Variants in ATP2C1 observed in about 807,000 individuals in gnomAD.
The protein encoded by ATP2C1 is calcium-transporting ATPase type 2C member 1.
Under a neutral mutation model 120.5 loss-of-function variants are expected in ATP2C1, and 31 were observed. That is an observed-to-expected ratio of 0.26 (90% confidence interval 0.19 to 0.35). The LOEUF (loss-of-function observed/expected upper bound fraction) is 0.35. Among genes scored for constraint, ATP2C1 ranks in the 10% least tolerant of loss-of-function variants. The probability of loss-of-function intolerance (pLI) is 1.00; values close to 1 mark genes in which losing one functional copy is unlikely to be tolerated. For missense variants in ATP2C1, 731 were observed against 1,107.5 expected, an observed-to-expected ratio of 0.66 and a Z score of 4.83; for synonymous variants, 351 against 358.7, an observed-to-expected ratio of 0.98 and a Z score of 0.24.
At chr3:130,890,733 T>C (rs1323514694), upstream of ATP2C1, among the ~76,000 whole-genome samples, 1 of 152,216 alleles carries the variant, frequency 6.6e-6, no homozygotes, top group Non-Finnish European at 1.5e-5. Context: ...GGCAGATTTA[T>C]AGCAATTCTG....
rs184715638 is a variant in ATP2C1, at chr3:130,966,024, A to T, written c.1122+979A>T. Among the ~76,000 whole-genome samples, 18 of 152,306 alleles carry T rather than the reference A, an allele frequency of 1.2e-4. 1 individual carries two copies. In the East Asian group the frequency reaches 3.3e-3, roughly 28 times the overall value. ...GGTGCTTATGGACAGGTCTAATCCT[A>T]CTCAGTCTATGCAGGATTTCTGACT... On this transcript the variant is annotated intron_variant, in intron 14 of 27. Coordinates refer to ENST00000510168, the MANE Select transcript of ATP2C1 (RefSeq NM_001378687.1).
At chr3:130,913,766 T>A (rs1402580883) in intron 2 of ATP2C1, among the ~76,000 whole-genome samples, 1 of 152,194 alleles carries the variant, frequency 6.6e-6, no homozygotes, top group Non-Finnish European at 1.5e-5. Context: ...GGATTTACTT[T>A]GAAACTTTTG....
chr3:130,960,724 A>AG lies in ATP2C1; in HGVS notation c.899+1389dup, dbSNP rs572330902. Among the ~76,000 whole-genome samples, 38 of 152,156 alleles carry AG rather than the reference A, an allele frequency of 2.5e-4. 3 individuals carry two copies. Among genetic ancestry groups the AG allele is most frequent in the Admixed American group, 2.0e-3 (30 of 15,248 alleles). On this transcript the variant is annotated intron_variant, in intron 12 of 27. Coordinates refer to ENST00000510168, the MANE Select transcript of ATP2C1 (RefSeq NM_001378687.1). ...ATAAGTGGAGCCGTGGTAACAAATTAGGGGGGCAATTGATCATAAATCTGT... is the reference window on the plus strand; with the variant it reads ...ATAAGTGGAGCCGTGGTAACAAATTAGGGGGGGCAATTGATCATAAATCTGT...
At chr3:130,909,713 G>A (rs1239147643) in intron 2 of ATP2C1, among the ~76,000 whole-genome samples, 1 of 152,106 alleles carries the variant, frequency 6.6e-6, no homozygotes, top group African/African-American at 2.4e-5. Flanking sequence ...TTAGCAACAG[G>A]TTTACACTGA....
intron 12 of ATP2C1, among the ~76,000 whole-genome samples, chr3:130,960,407 C>T (rs1208048407): frequency 1.3e-5 from 2 of 152,130 alleles, no homozygotes; most frequent in Non-Finnish European, 2.9e-5. Context: ...CTATGAGAGA[C>T]GTATTTTGAA....
At chr3:130,995,347 G>C (rs1259529706) in intron 22 of ATP2C1, among the ~76,000 whole-genome samples, 1 of 151,780 alleles carries the variant, frequency 6.6e-6, no homozygotes, top group East Asian at 1.9e-4. Context: ...CAAGAAGGTC[G>C]AGGCTGCAGG....
chr3:130,993,107 C>T, intron 21 of ATP2C1, 106 bp downstream of exon 21: 2 of 944,270 alleles, frequency 2.1e-6, no homozygotes, highest in Middle Eastern at 2.2e-4. Context: ...GTCAGAAATA[C>T]TGTGAAGCAA....
intron 12 of ATP2C1, 51 bp downstream of exon 12, chr3:130,959,392 C>A: frequency 1.6e-6 from 2 of 1,244,436 alleles, no homozygotes; most frequent in Non-Finnish European, 2.4e-6. Context: ...TTTTATTTCT[C>A]TAATGGACAT....
At chr3:130,943,172 T>C (rs1234868313) in intron 8 of ATP2C1, among the ~76,000 whole-genome samples, 1 of 152,196 alleles carries the variant, frequency 6.6e-6, no homozygotes, top group Non-Finnish European at 1.5e-5. Context: ...TAGATTAGTA[T>C]GTATTTTATC....
intron 1 of ATP2C1, among the ~76,000 whole-genome samples, chr3:130,866,514 A>G (rs185970714): frequency 9.2e-5 from 14 of 152,338 alleles, no homozygotes; most frequent in Admixed American, 5.9e-4. Flanking sequence ...GCATTGTTCC[A>G]AAGGTCCTGA....
chr3:131,000,464 A>G (rs2062832614), intron 27 of ATP2C1, among the ~76,000 whole-genome samples: 1 of 152,218 alleles, frequency 6.6e-6, no homozygotes, highest in Non-Finnish European at 1.5e-5. Flanking sequence ...TGTGGATAGT[A>G]TTGTAAAGAC....
intron 20 of ATP2C1, among the ~76,000 whole-genome samples, chr3:130,985,230 A>G (rs983685771): frequency 6.6e-6 from 1 of 152,250 alleles, no homozygotes; most frequent in African/African-American, 2.4e-5. Context: ...TTAAGTCTCT[A>G]TAACTTACGC....
At chr3:130,989,853 GTAAT>G (rs1266189119) in intron 20 of ATP2C1, among the ~76,000 whole-genome samples, 1 of 152,170 alleles carries the variant, frequency 6.6e-6, no homozygotes, top group East Asian at 1.9e-4. Context: ...AATTTCTGCA[GTAAT>G]TAGAGTTTTC....
At chr3:130,852,580 A>G (rs2067709197) in intron 1 of ATP2C1, among the ~76,000 whole-genome samples, 2 of 152,182 alleles carry the variant, frequency 1.3e-5, no homozygotes, top group Admixed American at 6.5e-5. Context: ...AAATTCTTAT[A>G]TAAGTGAATT....
intron 8 of ATP2C1, among the ~76,000 whole-genome samples, chr3:130,941,927 C>A (rs1350747915): frequency 6.6e-6 from 1 of 151,958 alleles, no homozygotes; most frequent in Non-Finnish European, 1.5e-5. Flanking sequence ...TAGAAACCTG[C>A]ATATTAGGGA....
intron 2 of ATP2C1, among the ~76,000 whole-genome samples, chr3:130,921,191 C>G (rs1298339956): frequency 2.0e-5 from 3 of 150,790 alleles, no homozygotes; most frequent in African/African-American, 7.3e-5. Context: ...AAGTGATTCT[C>G]CTGCCTCAGC....
intron 6 of ATP2C1, 44 bp from the exon 7 acceptor site, chr3:130,940,586 T>C: frequency 3.1e-6 from 4 of 1,305,552 alleles, no homozygotes; most frequent in African/African-American, 1.5e-5. Context: ...ATGGAATATA[T>C]TCATGGGAGC....
At chr3:130,873,153 C>A (rs983264429) in intron 1 of ATP2C1, among the ~76,000 whole-genome samples, 1 of 152,074 alleles carries the variant, frequency 6.6e-6, no homozygotes, top group Admixed American at 6.6e-5. Context: ...TTGAAAGAGG[C>A]AAGAATTTAA....
intron 8 of ATP2C1, 100 bp downstream of exon 8, chr3:130,941,799 C>T: frequency 9.7e-7 from 1 of 1,034,928 alleles, no homozygotes; most frequent in Admixed American, 1.9e-5. Context: ...TTGATTTGAA[C>T]CATTTGGTAT....
Sources: gnomAD v4.1 joint callset for allele counts (sites outside exome capture counted in the v4.1 genomes callset) on GRCh38, gnomAD v4.1.1 for gene constraint, MANE v1.5 for transcripts, NCBI Gene and HGNC (gene_info 2026-07-23, HGNC 2026-07-21) for gene names.